Variants in TTLL6 observed in about 807,000 individuals in gnomAD.
TTLL6 encodes the protein tubulin tyrosine ligase like 6.
A neutral mutation model predicts 96.4 loss-of-function variants in TTLL6; 75 were observed. The observed-to-expected ratio is 0.78, with a 90% CI of 0.65 to 0.94. The LOEUF (loss-of-function observed/expected upper bound fraction) is 0.94. TTLL6 is among the 40% of genes least tolerant of loss of function. The probability of loss-of-function intolerance (pLI) is 0.00; values close to 1 mark genes in which losing one functional copy is unlikely to be tolerated. For missense variants in TTLL6, 1,030 were observed against 1,093.0 expected (o/e 0.94, Z 0.81); for synonymous variants, 411 against 419.4 (o/e 0.98, Z 0.24).
chr17:48,797,002 T>C, intron 7 of TTLL6, 59 bp downstream of exon 7: 1 of 1,384,020 alleles, frequency 7.2e-7, no homozygotes, highest in South Asian at 1.6e-5. Flanking sequence ...TAACTAGAAT[T>C]TTTTTTTTTT....
chr17:48,779,100 C>CA (rs749023485), intron 13 of TTLL6, among the ~76,000 whole-genome samples: 1 of 150,568 alleles, frequency 6.6e-6, no homozygotes, highest in Non-Finnish European at 1.5e-5. Flanking sequence ...GGCTCTGTCT[C>CA]AGAGGGGGAA....
chr17:48,774,095 AC>A lies in TTLL6; in HGVS notation c.2041-3999del, dbSNP rs1296482742. On this transcript the variant is annotated intron_variant, in intron 13 of 15. Transcript: ENST00000393382. ...AAAACTCCATCTCAAAAAAAACAAA[AC>A]AAAAAAAAAAAAAAAACAAGAAAAG... Among the ~76,000 whole-genome samples, 31 of 110,040 alleles carry A rather than the reference AC, an allele frequency of 2.8e-4. 1 individual carries two copies. Among genetic ancestry groups the A allele is most frequent in the East Asian group, 7.1e-4 (3 of 4,212 alleles). 72.2% of individuals were successfully genotyped at this position (110,040 alleles called of 152,430 possible).
At chr17:48,803,966 G>T in intron 2 of TTLL6, 38 bp from the exon 3 acceptor site, 2 of 1,549,134 alleles carry the variant, frequency 1.3e-6, no homozygotes, top group South Asian at 1.2e-5. Flanking sequence ...GCAAGACAGA[G>T]ACACACTTGC....
At chr17:48,805,835 C>T (rs1013315315) in intron 1 of TTLL6, among the ~76,000 whole-genome samples, 3 of 151,856 alleles carry the variant, frequency 2.0e-5, no homozygotes, top group African/African-American at 7.3e-5. Context: ...AAAGGCTAGG[C>T]GCAGTGGCTT....
In TTLL6 at chr17:48,801,387, T is replaced by C. The variant is rs2039410000; in HGVS notation, c.481-2A>G. 2 of 1,551,588 alleles carry C rather than the reference T, an allele frequency of 1.3e-6. No individual in the cohort carries two copies. Among genetic ancestry groups the C allele is most frequent in the African/African-American group, 1.4e-5 (1 of 73,110 alleles). On this transcript the variant is annotated splice_acceptor_variant, in intron 4 of 15. Coordinates refer to ENST00000393382, the MANE Select transcript of TTLL6 (RefSeq NM_001130918.3). LOFTEE classifies it high-confidence loss of function. The stretch of plus-strand genomic sequence containing the variant: ...CATCCCGGGGAAGTGATTGATCTTC[T>C]GGAAGGGAAGCCGGAATTCATGAGC...
chr17:48,799,148 T>C (rs899848744), intron 6 of TTLL6, among the ~76,000 whole-genome samples: 1 of 152,116 alleles, frequency 6.6e-6, no homozygotes, highest in African/African-American at 2.4e-5. Context: ...TCTACAAGAG[T>C]TCTCCCTGCA....
intron 13 of TTLL6, among the ~76,000 whole-genome samples, chr17:48,771,865 G>A (rs1000517244): frequency 2.0e-5 from 3 of 151,464 alleles, no homozygotes; most frequent in Non-Finnish European, 4.4e-5. Context: ...ACTTGAGGTC[G>A]GGTGTTTGAG....
At chr17:48,772,076 T>TCAAAA (rs1038383789) in intron 13 of TTLL6, among the ~76,000 whole-genome samples, 3 of 149,826 alleles carry the variant, frequency 2.0e-5, no homozygotes, top group Non-Finnish European at 4.4e-5. Context: ...AGATTCTATC[T>TCAAAA]CAAAACAAAA....
chr17:48,789,334 C>A (rs1337784531), intron 10 of TTLL6, among the ~76,000 whole-genome samples: 1 of 152,184 alleles, frequency 6.6e-6, no homozygotes, highest in Non-Finnish European at 1.5e-5. Context: ...GTTAAAATGA[C>A]CCCCTCCAAC....
chr17:48,796,866 A>C (rs950848726), intron 7 of TTLL6, among the ~76,000 whole-genome samples, 195 bp downstream of exon 7: 12 of 152,058 alleles, frequency 7.9e-5, no homozygotes, highest in African/African-American at 2.9e-4. Flanking sequence ...CTGGGTTTTA[A>C]TCTCGTCATC....
At chr17:48,782,959 C>T (rs368575828) in intron 13 of TTLL6, among the ~76,000 whole-genome samples, 1 of 152,018 alleles carries the variant, frequency 6.6e-6, no homozygotes, top group African/African-American at 2.4e-5. Flanking sequence ...GTGATCCACC[C>T]ACCTCGGCCT....
At chr17:48,773,028 G>A (rs2038780691) in intron 13 of TTLL6, among the ~76,000 whole-genome samples, 1 of 73,002 alleles carries the variant, frequency 1.4e-5, no homozygotes, top group African/African-American at 6.3e-5. Flanking sequence ...AAAGAACTGA[G>A]TAGTATTTCT....
intron 3 of TTLL6, among the ~76,000 whole-genome samples, chr17:48,801,894 A>G (rs1030349455): frequency 7.3e-5 from 11 of 151,714 alleles, no homozygotes; most frequent in Non-Finnish European, 1.6e-4. Flanking sequence ...AAAATACAAA[A>G]AATTATCTGG....
intron 10 of TTLL6, among the ~76,000 whole-genome samples, chr17:48,789,431 C>T (rs959847292): frequency 1.3e-5 from 2 of 152,122 alleles, no homozygotes; most frequent in Admixed American, 6.6e-5. Flanking sequence ...TCATTTCATT[C>T]GCCCAACAAC....
At chr17:48,799,833 A>C in intron 5 of TTLL6, 73 bp from the exon 6 acceptor site, 1 of 1,319,224 alleles carries the variant, frequency 7.6e-7, no homozygotes, top group Admixed American at 2.3e-5. Context: ...GCCCTTTATG[A>C]AGAAAAGAAA....
intron 13 of TTLL6, 69 bp from the exon 14 acceptor site, chr17:48,770,166 TTA>T: frequency 1.3e-6 from 2 of 1,502,542 alleles, no homozygotes; most frequent in South Asian, 1.4e-5. Flanking sequence ...TATTTTTTTT[TTA>T]TTTTTATTTT....
At chr17:48,791,149 T>C (rs900254604) in intron 9 of TTLL6, among the ~76,000 whole-genome samples, 1 of 152,184 alleles carries the variant, frequency 6.6e-6, no homozygotes, top group Non-Finnish European at 1.5e-5. Flanking sequence ...CAGCACTTCC[T>C]TGTCTAAGAG....
At chr17:48,811,329 C>G (rs1036449052) in intron 1 of TTLL6, among the ~76,000 whole-genome samples, 2 of 152,056 alleles carry the variant, frequency 1.3e-5, no homozygotes, top group South Asian at 4.2e-4. Context: ...CTTGGCCACT[C>G]AAAGTGCTGG....
intron 2 of TTLL6, 182 bp downstream of exon 2, chr17:48,804,590 A>T (rs1034977720): frequency 1.3e-5 from 9 of 678,568 alleles, no homozygotes; most frequent in Middle Eastern, 2.6e-4. Context: ...CAATCATTTG[A>T]TTCTATAAAA....
Sources: allele counts gnomAD v4.1 joint callset (sites outside exome capture counted in the v4.1 genomes callset), GRCh38; gene constraint gnomAD v4.1.1; transcripts MANE v1.5; gene names NCBI Gene and HGNC (gene_info 2026-07-23, HGNC 2026-07-21).